The following SGIP1 variants were observed in gnomAD, a reference collection of about 807,000 sequenced individuals.
The protein encoded by SGIP1 is SH3GL interacting endocytic adaptor 1, also known as SH3-containing GRB2-like protein 3-interacting protein 1.
Under a neutral mutation model 107.5 loss-of-function variants are expected in SGIP1, and 38 were observed. The ratio of observed to expected loss-of-function variants is 0.35; its 90% CI spans 0.27 to 0.46. SGIP1 has a LOEUF of 0.46. Among genes scored for constraint, SGIP1 ranks in the 20% least tolerant of loss-of-function variants. The pLI, the probability that SGIP1 is intolerant of heterozygous loss-of-function variation, is 1.00. For synonymous variants in SGIP1, 365 were observed against 366.1 expected, an observed-to-expected ratio of 1.00 and a Z score of 0.03; for missense variants, 929 against 1,019.5, an observed-to-expected ratio of 0.91 and a Z score of 1.21.
At chr1:66,704,254 G>A (rs1488766203) in intron 18 of SGIP1, 1 of 151,994 alleles carries the variant, frequency 6.6e-6, no homozygotes, top group African/African-American at 2.4e-5. Context: ...GTTGCTACAT[G>A]GTCTCCCTTC....
intron 8 of SGIP1, among the ~76,000 whole-genome samples, chr1:66,662,147 A>G (rs1361265738): frequency 6.6e-6 from 1 of 152,238 alleles, no homozygotes; most frequent in East Asian, 1.9e-4. Context: ...TAAAGCATTT[A>G]AAAAACAAAT....
chr1:66,555,950 T>C (rs1362757598), intron 1 of SGIP1, among the ~76,000 whole-genome samples: 1 of 152,156 alleles, frequency 6.6e-6, no homozygotes, highest in African/African-American at 2.4e-5. Flanking sequence ...AGAACATGGT[T>C]AAGCCAGGAT....
At chr1:66,594,736 A>G (rs919230317) in intron 1 of SGIP1, among the ~76,000 whole-genome samples, 1 of 152,164 alleles carries the variant, frequency 6.6e-6, no homozygotes, top group African/African-American at 2.4e-5. Flanking sequence ...CACTGAGGGC[A>G]TCCCTCTCCT....
At chr1:66,656,869 C>T (rs6656550) in intron 7 of SGIP1, among the ~76,000 whole-genome samples, 101,116 of 152,042 alleles carry the variant, frequency 0.67, 34,760 homozygotes, top group East Asian at 1. Flanking sequence ...TCCCATTTAT[C>T]AAAATATAAA....
intron 1 of SGIP1, among the ~76,000 whole-genome samples, chr1:66,614,473 A>T (rs759019975): frequency 1.3e-5 from 2 of 152,206 alleles, no homozygotes; most frequent in Non-Finnish European, 2.9e-5. Flanking sequence ...CTCTACATGC[A>T]TCGTGGTAGC....
chr1:66,593,430 G>C (rs1214666737), intron 1 of SGIP1, among the ~76,000 whole-genome samples: 1 of 152,172 alleles, frequency 6.6e-6, no homozygotes, highest in African/African-American at 2.4e-5. Context: ...AAGAGTCCCT[G>C]TTGCTCTACA....
chr1:66,682,864 AC>A (rs1469449057), intron 15 of SGIP1, among the ~76,000 whole-genome samples: 5 of 151,746 alleles, frequency 3.3e-5, no homozygotes, highest in Non-Finnish European at 5.9e-5. Flanking sequence ...TTGTGGAAGA[AC>A]CACGTTAACC....
chr1:66,550,098 G>A (rs1190926312), intron 1 of SGIP1, among the ~76,000 whole-genome samples: 2 of 152,128 alleles, frequency 1.3e-5, no homozygotes, highest in Non-Finnish European at 2.9e-5. Context: ...GAGACTGAGG[G>A]ATATTCCTTC....
chr1:66,682,819 CTT>C (rs5774830), intron 15 of SGIP1, among the ~76,000 whole-genome samples: 1 of 147,918 alleles, frequency 6.8e-6, no homozygotes, highest in East Asian at 2.0e-4. Context: ...GGGTGGGCTT[CTT>C]TTTTTTTTCT....
chr1:66,683,536 A>T (rs558942288), intron 15 of SGIP1, among the ~76,000 whole-genome samples: 2 of 152,152 alleles, frequency 1.3e-5, no homozygotes, highest in Non-Finnish European at 2.9e-5. Context: ...CCAGTGCTTT[A>T]TATCTTTAGA....
At chr1:66,577,331 C>G (rs904336982) in intron 1 of SGIP1, among the ~76,000 whole-genome samples, 4 of 152,168 alleles carry the variant, frequency 2.6e-5, no homozygotes, top group Non-Finnish European at 4.4e-5. Flanking sequence ...TCCAGGTCTA[C>G]ATCATATAAA....
At chr1:66,663,198 C>T (rs2081891726) in intron 8 of SGIP1, among the ~76,000 whole-genome samples, 1 of 152,034 alleles carries the variant, frequency 6.6e-6, no homozygotes, top group Non-Finnish European at 1.5e-5. Context: ...TGTGTATGTG[C>T]CTGACTCCCA....
chr1:66,636,075 T>C (rs2075722996), intron 4 of SGIP1, 60 bp downstream of exon 4: 1 of 1,505,166 alleles, frequency 6.6e-7, no homozygotes, highest in Non-Finnish European at 9.2e-7. Context: ...GTGAGTAAAA[T>C]CCCAATTTAA....
chr1:66,714,652 A>G (rs539248086), intron 18 of SGIP1, among the ~76,000 whole-genome samples: 211 of 152,168 alleles, frequency 1.4e-3, no homozygotes, highest in African/African-American at 4.9e-3. Context: ...GACAACTTAA[A>G]ATCATAGAAT....
intron 20 of SGIP1, among the ~76,000 whole-genome samples, chr1:66,731,233 G>GT (rs779963767): frequency 4.3e-4 from 65 of 152,242 alleles, no homozygotes; most frequent in Admixed American, 7.2e-4. Flanking sequence ...TCTTGCTTCA[G>GT]TTTCCCTCCA....
chr1:66,695,426 C>T lies in SGIP1; in HGVS notation c.1571-8C>T, dbSNP rs2090723535. On this transcript the variant is annotated splice_region_variant and splice_polypyrimidine_tract_variant and intron_variant, in intron 17 of 24. Coordinates refer to ENST00000371037, the MANE Select transcript of SGIP1 (RefSeq NM_032291.4). ...CTTCCCATCCCGCTTCAACTCCTGGCCATACAGAGAATGAACAGCCTTCCC... is the reference window on the plus strand; with the variant it reads ...CTTCCCATCCCGCTTCAACTCCTGGTCATACAGAGAATGAACAGCCTTCCC... The T allele has an allele frequency of 1.2e-6, 2 of 1,614,048 alleles. No individual in the cohort carries two copies. Among genetic ancestry groups the T allele is most frequent in the Non-Finnish European group, 1.7e-6 (2 of 1,179,998 alleles).
intron 23 of SGIP1, 90 bp downstream of exon 23, chr1:66,740,812 A>G (rs2094425902): frequency 1.3e-6 from 1 of 786,590 alleles, no homozygotes; most frequent in Non-Finnish European, 2.1e-6. Context: ...ATGTAGCAAT[A>G]AAAACAAGCA....
intron 1 of SGIP1, among the ~76,000 whole-genome samples, chr1:66,608,503 C>G (rs2067287270): frequency 6.6e-6 from 1 of 152,170 alleles, no homozygotes; most frequent in Non-Finnish European, 1.5e-5. Flanking sequence ...GCGCTTTTTA[C>G]ATTGATCATT....
In SGIP1 at chr1:66,546,420, A is replaced by G. The variant is rs950558369; in HGVS notation, c.10+12052A>G. Among the ~76,000 whole-genome samples, 4 of 152,224 alleles carry G rather than the reference A, an allele frequency of 2.6e-5. No individual in the cohort carries two copies. In the South Asian group the frequency reaches 6.2e-4, roughly 24 times the overall value. ...GAAAATTAAATTCCCAAATAATCTC[A>G]TTGTTAAGAAAGAACCAACCACTAC... is the stretch of plus-strand genomic sequence containing the variant. On this transcript the variant is annotated intron_variant, in intron 1 of 24. Transcript: ENST00000371037.
Sources: allele counts gnomAD v4.1 joint callset (sites outside exome capture counted in the v4.1 genomes callset), GRCh38; gene constraint gnomAD v4.1.1; transcripts MANE v1.5; gene names NCBI Gene and HGNC (gene_info 2026-07-23, HGNC 2026-07-21).